Variants in CHIC1 observed in about 807,000 individuals in gnomAD.
CHIC1 encodes the protein cysteine-rich hydrophobic domain-containing protein 1.
CHIC1 carries 7 observed loss-of-function variants against 18.5 expected under a neutral mutation model. The observed-to-expected ratio is 0.38, with a 90% CI of 0.22 to 0.71. The LOEUF (loss-of-function observed/expected upper bound fraction) is 0.71. Among genes scored for constraint, CHIC1 ranks in the 30% least tolerant of loss-of-function variants. The pLI is 0.49. For synonymous variants in CHIC1, 77 were observed against 73.5 expected, an observed-to-expected ratio of 1.05 and a Z score of -0.25; for missense variants, 159 against 176.9, an observed-to-expected ratio of 0.90 and a Z score of 0.57.
intron 3 of CHIC1, among the ~76,000 whole-genome samples, chrX:73,665,108 A>G (rs988600670): frequency 2.7e-5 from 3 of 112,233 alleles, no homozygotes; most frequent in African/African-American, 9.7e-5. Flanking sequence ...CACTTGCCTA[A>G]GACAGGGTCC....
intron 3 of CHIC1, among the ~76,000 whole-genome samples, chrX:73,669,722 G>T (rs759285967): frequency 8.9e-6 from 1 of 112,150 alleles, no homozygotes; most frequent in Non-Finnish European, 1.9e-5. Flanking sequence ...ACTCTACAAA[G>T]CCCACAGGCT....
At chrX:73,652,482 AC>A (rs1167851373) in intron 3 of CHIC1, among the ~76,000 whole-genome samples, 1 of 112,218 alleles carries the variant, frequency 8.9e-6, no homozygotes, top group Admixed American at 9.5e-5. Context: ...TTTGCAGTCT[AC>A]CCACCTGACC....
rs201774174 is a variant in CHIC1, at chrX:73,577,434, T to C, written c.324T>C (p.Thr108=). Residue 108 remains threonine, a synonymous_variant, in exon 2 of 6, where the codon ACT becomes ACC. Transcript: ENST00000373502. ...TTGGCTTGAGCAACAAGTTTGATAC[T>C]GAATTTCCCTCCGTTCTAACAGGGA... ...TVFGLSNKFD[T]EFPSVLTGKV... The C allele has an allele frequency of 2.5e-5, 30 of 1,196,797 alleles. No individual in the cohort carries two copies. Among genetic ancestry groups the C allele is most frequent in the Non-Finnish European group, 2.9e-5 (26 of 884,761 alleles).
intron 3 of CHIC1, among the ~76,000 whole-genome samples, chrX:73,652,359 T>C (rs985516322): frequency 9.8e-5 from 11 of 111,686 alleles, no homozygotes; most frequent in African/African-American, 3.6e-4. Context: ...CCAAAAGCAA[T>C]TGCAACAAAA....
At chrX:73,614,036 G>A (rs73624255) in intron 3 of CHIC1, among the ~76,000 whole-genome samples, 5,358 of 111,837 alleles carry the variant, frequency 0.048, 321 homozygotes, top group African/African-American at 0.16. Flanking sequence ...CCCTTAAGCA[G>A]TTTTTGTTGG....
intron 3 of CHIC1, among the ~76,000 whole-genome samples, chrX:73,669,256 C>T (rs982885130): frequency 8.9e-6 from 1 of 112,289 alleles, no homozygotes; most frequent in African/African-American, 3.2e-5. Flanking sequence ...GAGATCAGAG[C>T]TCTGTCCCTA....
At chrX:73,631,823 T>C (rs922973065) in intron 3 of CHIC1, among the ~76,000 whole-genome samples, 50 of 111,856 alleles carry the variant, frequency 4.5e-4, no homozygotes, top group African/African-American at 1.5e-3. Flanking sequence ...TCTTGCCTAA[T>C]TTCCACATAT....
intron 3 of CHIC1, among the ~76,000 whole-genome samples, chrX:73,670,747 T>C (rs1007772781): frequency 9.0e-6 from 1 of 111,628 alleles, no homozygotes; most frequent in Non-Finnish European, 1.9e-5. Context: ...AACTTTATTT[T>C]CTCCTTAATT....
At chrX:73,680,309 G>GTGTT (rs1480021218) in intron 5 of CHIC1, among the ~76,000 whole-genome samples, 2 of 110,784 alleles carry the variant, frequency 1.8e-5, no homozygotes, top group African/African-American at 6.5e-5. Flanking sequence ...CATTCCATGT[G>GTGTT]TGTTTCATAA....
chrX:73,563,914 A>G (rs976218029), intron 1 of CHIC1, among the ~76,000 whole-genome samples: 1 of 111,728 alleles, frequency 9.0e-6, no homozygotes, highest in Non-Finnish European at 1.9e-5. Context: ...AGGATGTACC[A>G]GAGGGTTTTT....
intron 5 of CHIC1, 124 bp downstream of exon 5, chrX:73,679,837 A>G (rs2058089017): frequency 8.4e-6 from 3 of 356,778 alleles, no homozygotes; most frequent in Non-Finnish European, 1.4e-5. Context: ...CCATTGAAAT[A>G]TAGAGGTTTT....
At chrX:73,614,250 T>C (rs1408520017) in intron 3 of CHIC1, among the ~76,000 whole-genome samples, 1 of 111,693 alleles carries the variant, frequency 9.0e-6, no homozygotes, top group African/African-American at 3.3e-5. Flanking sequence ...GTCTGTAAGT[T>C]TCCTTTATAA....
rs1238441283 is a variant in CHIC1, at chrX:73,616,191, G to T, written c.507+31619G>T. On this transcript the variant is annotated intron_variant, in intron 3 of 5. Coordinates refer to ENST00000373502, the MANE Select transcript of CHIC1 (RefSeq NM_001039840.4). ...GGACCCAATGTGACTACCCTCTATG[G>T]AGCAGTGCCTTCACATGATCTCCAG... 2.7e-5 allele frequency among the ~76,000 whole-genome samples: 3 copies of T among 111,179 alleles called. No individual in the cohort carries two copies. In the South Asian group the frequency reaches 1.2e-3, roughly 43 times the overall value.
chrX:73,670,209 C>G (rs190893089), intron 3 of CHIC1, among the ~76,000 whole-genome samples: 1 of 111,497 alleles, frequency 9.0e-6, no homozygotes, highest in East Asian at 2.8e-4. Flanking sequence ...TTGCCCCACC[C>G]TGCTTTTGTT....
At chrX:73,649,192 G>A (rs2057903687) in intron 3 of CHIC1, among the ~76,000 whole-genome samples, 1 of 111,592 alleles carries the variant, frequency 9.0e-6, no homozygotes, top group Non-Finnish European at 1.9e-5. Context: ...AAGAGCTCCT[G>A]AAGGAAGCAC....
At chrX:73,646,019 A>G (rs955834101) in intron 3 of CHIC1, among the ~76,000 whole-genome samples, 1 of 111,939 alleles carries the variant, frequency 8.9e-6, no homozygotes, top group Non-Finnish European at 1.9e-5. Context: ...TTATATTTTC[A>G]GGTCTTGCAT....
rs149595806 is a variant in CHIC1 at position 73,598,811 on chromosome X, T to C, written c.507+14239T>C. On this transcript the variant is annotated intron_variant, in intron 3 of 5. Transcript: ENST00000373502. ...AAACATACATGTGCATGTGTCTTTA[T>C]AGCAACATGATTTAGAGTTCTTTGG... is the stretch of plus-strand genomic sequence containing the variant. Among the ~76,000 whole-genome samples the C allele has an allele frequency of 3.6e-5, 4 of 110,880 alleles. No individual in the cohort carries two copies. In the East Asian group the frequency reaches 1.1e-3, roughly 32 times the overall value.
chrX:73,646,065 T>C (rs1272201129), intron 3 of CHIC1, among the ~76,000 whole-genome samples: 1 of 111,886 alleles, frequency 8.9e-6, no homozygotes, highest in Non-Finnish European at 1.9e-5. Flanking sequence ...GATTTTTATG[T>C]ATGGTATGAG....
rs772418309 is a variant in CHIC1 at position 73,677,991 on chromosome X, G to GGTTT, written c.508-1335_508-1334insGTTT. The stretch of plus-strand genomic sequence containing the variant: ...AAATTATTGTGTCCTTTTGGAGGTT[G>GGTTT]TTTTTTTTTTTTTTTTGTCCTTACA... On this transcript the variant is annotated intron_variant, in intron 3 of 5. Coordinates refer to ENST00000373502, the MANE Select transcript of CHIC1 (RefSeq NM_001039840.4). Among the ~76,000 whole-genome samples the GGTTT allele has an allele frequency of 5.0e-5, 4 of 80,438 alleles. 1 individual carries two copies. The highest frequency in any genetic ancestry group is 4.8e-5 in the Non-Finnish European group (2 of 42,078). The allele number at this position is 80,438 out of a possible 115,157, so 69.9% of individuals were successfully genotyped here.
Sources: allele counts gnomAD v4.1 joint callset (sites outside exome capture counted in the v4.1 genomes callset), GRCh38; gene constraint gnomAD v4.1.1; transcripts MANE v1.5; gene names NCBI Gene and HGNC (gene_info 2026-07-23, HGNC 2026-07-21).